C8orf34: variants seen among roughly 807,000 people sequenced by gnomAD.
C8orf34 encodes the protein uncharacterized protein C8orf34.
C8orf34 carries 65 observed loss-of-function variants against 68.3 expected under a neutral mutation model. The ratio of observed to expected loss-of-function variants is 0.95; its 90% CI spans 0.78 to 1.17. The LOEUF is 1.17. C8orf34 is among the 50% of genes most tolerant of loss of function. The probability of loss-of-function intolerance (pLI) is 0.00; values close to 1 mark genes in which losing one functional copy is unlikely to be tolerated. For synonymous variants in C8orf34, 244 were observed against 241.2 expected (o/e 1.01, Z -0.11); for missense variants, 664 against 655.4 (o/e 1.01, Z -0.14).
chr8:68,625,341 A>G, intron 7 of C8orf34: 1 of 423,752 alleles, frequency 2.4e-6, no homozygotes, highest in Non-Finnish European at 4.2e-6. Flanking sequence ...TTATCACCAA[A>G]TACTCACTTT....
chr8:68,700,927 A>G (rs986613589), intron 8 of C8orf34, among the ~76,000 whole-genome samples: 1 of 152,098 alleles, frequency 6.6e-6, no homozygotes, highest in African/African-American at 2.4e-5. Flanking sequence ...GTTGTTATGA[A>G]AGAGGCTTTG....
intron 10 of C8orf34, among the ~76,000 whole-genome samples, chr8:68,739,305 G>T (rs1013663017): frequency 6.6e-6 from 1 of 151,832 alleles, no homozygotes; most frequent in Non-Finnish European, 1.5e-5. Flanking sequence ...AATAATAAAA[G>T]CCATATCTGA....
At chr8:68,678,036 G>T (rs572653535) in intron 8 of C8orf34, among the ~76,000 whole-genome samples, 1 of 152,260 alleles carries the variant, frequency 6.6e-6, no homozygotes, top group South Asian at 2.1e-4. Flanking sequence ...GAACCATGCA[G>T]AAATTCAGAA....
intron 1 of C8orf34, among the ~76,000 whole-genome samples, chr8:68,373,409 C>A (rs1257713967): frequency 6.6e-6 from 1 of 152,230 alleles, no homozygotes; most frequent in African/African-American, 2.4e-5. Flanking sequence ...CATAGGAATT[C>A]TCTCCAAAGC....
chr8:68,375,959 C>T (rs777641278), intron 1 of C8orf34, among the ~76,000 whole-genome samples: 3 of 152,132 alleles, frequency 2.0e-5, no homozygotes, highest in Non-Finnish European at 4.4e-5. Flanking sequence ...CTTCCATCAA[C>T]CCAACCGTTT....
intron 10 of C8orf34, among the ~76,000 whole-genome samples, chr8:68,772,995 A>G (rs894583761): frequency 1.3e-5 from 2 of 151,232 alleles, no homozygotes; most frequent in Admixed American, 1.3e-4. Context: ...TTTGTTTTTC[A>G]AGGGAAATTG....
chr8:68,521,209 T>G (rs1026166792), intron 5 of C8orf34, among the ~76,000 whole-genome samples: 1 of 152,216 alleles, frequency 6.6e-6, no homozygotes, highest in East Asian at 1.9e-4. Context: ...TATTCAGTAT[T>G]CTACTACAAT....
chr8:68,375,911 T>G (rs1807772429), intron 1 of C8orf34, among the ~76,000 whole-genome samples: 1 of 152,168 alleles, frequency 6.6e-6, no homozygotes, highest in Non-Finnish European at 1.5e-5. Context: ...TATATAGGTT[T>G]GAATCAAGTC....
chr8:68,567,012 T>A (rs1211585542), intron 7 of C8orf34, among the ~76,000 whole-genome samples: 1 of 152,212 alleles, frequency 6.6e-6, no homozygotes, highest in Admixed American at 6.5e-5. Context: ...CTTTTTCATA[T>A]GTTGTTGGAT....
rs532643167 is a variant in C8orf34, at chr8:68,469,705, A to T, written c.736+885A>T. On this transcript the variant is annotated intron_variant, in intron 4 of 13. Transcript: ENST00000518698. ...CATGGCCTCACCAAAATTTTCTTTTATTGCCATGGAATACTACAGAATTTT... is the reference window on the plus strand; with the variant it reads ...CATGGCCTCACCAAAATTTTCTTTTTTTGCCATGGAATACTACAGAATTTT... 1.7e-4 allele frequency among the ~76,000 whole-genome samples: 26 copies of T among 152,064 alleles called. No individual in the cohort carries two copies. The South Asian group carries it at 2.7e-3, about 16-fold the overall frequency.
chr8:68,745,699 T>C (rs939169979), intron 10 of C8orf34, among the ~76,000 whole-genome samples: 11 of 152,042 alleles, frequency 7.2e-5, no homozygotes, highest in African/African-American at 1.2e-4. Flanking sequence ...CCTAAATATA[T>C]ATGCACCCAA....
chr8:68,473,152 G>T (rs1187938635), intron 4 of C8orf34, among the ~76,000 whole-genome samples: 1 of 152,102 alleles, frequency 6.6e-6, no homozygotes, highest in Non-Finnish European at 1.5e-5. Flanking sequence ...ACAAGAAGTG[G>T]GTTTAGGAGT....
chr8:68,726,592 A>G (rs1168629358), intron 10 of C8orf34, among the ~76,000 whole-genome samples: 1 of 152,138 alleles, frequency 6.6e-6, no homozygotes, highest in Non-Finnish European at 1.5e-5. Context: ...TGTTGTGTGT[A>G]TTAGTTCATT....
chr8:68,648,682 A>G (rs930887776), intron 8 of C8orf34, among the ~76,000 whole-genome samples: 2 of 152,218 alleles, frequency 1.3e-5, no homozygotes, highest in African/African-American at 4.8e-5. Flanking sequence ...GATTATAGAG[A>G]ACATACACTG....
intron 5 of C8orf34, among the ~76,000 whole-genome samples, chr8:68,515,439 C>A (rs7821486): frequency 0.14 from 21,522 of 151,118 alleles, 2,863 homozygotes; most frequent in African/African-American, 0.35. Context: ...TGGGTAGATA[C>A]AAATCAGCAA....
chr8:68,485,724 A>AAAAT lies in C8orf34; in HGVS notation c.737-2271_737-2268dup, dbSNP rs1554561963. 4.5e-3 allele frequency among the ~76,000 whole-genome samples: 667 copies of AAAAT among 147,286 alleles called. 4 individuals are homozygous for AAAAT. Among genetic ancestry groups the AAAAT allele is most frequent in the East Asian group, 0.011 (54 of 5,042 alleles). On this transcript the variant is annotated intron_variant, in intron 4 of 13. Coordinates refer to ENST00000518698, the MANE Select transcript of C8orf34 (RefSeq NM_052958.4). ...AAGACTCTGTCTCAAAAAAAAATAA[A>AAAAT]AAATAAATAAATAAATAAATAAATA...
At chr8:68,648,576 C>A (rs931749051) in intron 8 of C8orf34, among the ~76,000 whole-genome samples, 1 of 152,108 alleles carries the variant, frequency 6.6e-6, no homozygotes, top group Non-Finnish European at 1.5e-5. Flanking sequence ...TGGTAAGATG[C>A]TATTTGCTTT....
intron 1 of C8orf34, among the ~76,000 whole-genome samples, chr8:68,351,661 A>C (rs1806518649): frequency 6.6e-6 from 1 of 151,962 alleles, no homozygotes; most frequent in South Asian, 2.1e-4. Context: ...CACTCCTCTC[A>C]TTCTTTTTTC....
chr8:68,807,723 A>G (rs965097103), intron 12 of C8orf34, among the ~76,000 whole-genome samples: 1 of 152,192 alleles, frequency 6.6e-6, no homozygotes, highest in Admixed American at 6.5e-5. Flanking sequence ...TGCAAAGATA[A>G]TTTGAGGCCT....
Sources: gnomAD v4.1 joint callset for allele counts (sites outside exome capture counted in the v4.1 genomes callset) on GRCh38, gnomAD v4.1.1 for gene constraint, MANE v1.5 for transcripts, NCBI Gene and HGNC (gene_info 2026-07-23, HGNC 2026-07-21) for gene names.